The following CNGB1 variants were observed in gnomAD, a reference collection of about 807,000 sequenced individuals.
CNGB1 encodes cyclic nucleotide-gated channel beta-1.
A neutral mutation model predicts 151.7 loss-of-function variants in CNGB1; 126 were observed. The observed-to-expected ratio is 0.83, with a 90% CI of 0.72 to 0.96. The LOEUF (loss-of-function observed/expected upper bound fraction) is 0.96, where lower values mean the gene tolerates loss of function less well. Ranked by LOEUF, CNGB1 falls within the 40% of genes least tolerant of loss-of-function variation. The pLI is 0.00. For missense variants in CNGB1, 1,698 were observed against 1,627.0 expected (o/e 1.04, Z -0.75); for synonymous variants, 623 against 635.1 (o/e 0.98, Z 0.29).
intron 17 of CNGB1, among the ~76,000 whole-genome samples, chr16:57,926,483 C>T (rs892488245): frequency 3.3e-5 from 5 of 152,214 alleles, no homozygotes; most frequent in Non-Finnish European, 7.3e-5. Flanking sequence ...GTGTGACATC[C>T]ACCTTGATTC....
chr16:57,909,949 A>G (rs1276744207), intron 25 of CNGB1, among the ~76,000 whole-genome samples: 1 of 152,262 alleles, frequency 6.6e-6, no homozygotes, highest in African/African-American at 2.4e-5. Context: ...ATGGTTGTGA[A>G]TTACTGTGTT....
intron 31 of CNGB1, among the ~76,000 whole-genome samples, chr16:57,892,264 TGC>T (rs1457596372): frequency 6.6e-6 from 1 of 152,118 alleles, no homozygotes; most frequent in African/African-American, 2.4e-5. Context: ...ATCTTGGCGT[TGC>T]AAGTCCATTT....
intron 22 of CNGB1, 119 bp from the exon 23 acceptor site, chr16:57,915,454 G>A (rs1410190988): frequency 3.7e-6 from 3 of 817,200 alleles, no homozygotes; most frequent in Non-Finnish European, 4.1e-6. Context: ...TGCCCCAGTA[G>A]AGCTTAAAAC....
intron 12 of CNGB1, among the ~76,000 whole-genome samples, chr16:57,952,414 C>T (rs1961972781): frequency 6.6e-6 from 1 of 152,004 alleles, no homozygotes; most frequent in Admixed American, 6.6e-5. Context: ...TCCTTGCTTC[C>T]ACACTTCCTT....
intron 4 of CNGB1, chr16:57,963,811 G>C: frequency 2.4e-6 from 1 of 411,054 alleles, no homozygotes; most frequent in Non-Finnish European, 4.5e-6. Flanking sequence ...GGGGCTAACA[G>C]TCTAATGAAT....
In CNGB1 at chr16:57,962,858, G is replaced by A. The variant is rs377556935; in HGVS notation, c.396C>T (p.Gly132=). 6.2e-6 allele frequency: 10 copies of A among 1,612,572 alleles called. No individual in the cohort carries two copies. The highest frequency in any genetic ancestry group is 5.3e-5 in the African/African-American group (4 of 74,942). Residue 132 remains glycine, a synonymous_variant, in exon 6 of 33, where the codon GGC becomes GGT. Coordinates refer to ENST00000251102, the MANE Select transcript of CNGB1 (RefSeq NM_001297.5). Reference sequence around the variant, plus strand: ...TGTTCTTACCTGTGTCCCCAGTGCTGCCATGCCCCAGGATCTGCCAGGGAC... The same window carrying A: ...TGTTCTTACCTGTGTCCCCAGTGCTACCATGCCCCAGGATCTGCCAGGGAC... ...TEDPAQILGH[G]STGDTGCTDE... is the part of the protein sequence containing the mutation.
At chr16:57,887,232 A>G (rs1341251894) in intron 32 of CNGB1, among the ~76,000 whole-genome samples, 2 of 152,026 alleles carry the variant, frequency 1.3e-5, no homozygotes, top group Non-Finnish European at 2.9e-5. Context: ...ATGAGGACAC[A>G]CTGTCTTCTG....
intron 10 of CNGB1, 106 bp from the exon 11 acceptor site, chr16:57,958,591 A>G: frequency 1.0e-6 from 1 of 982,412 alleles, no homozygotes; most frequent in South Asian, 1.4e-5. Context: ...GCCAAAAGGC[A>G]GAGCCTGCCA....
At chr16:57,885,003 G>T (rs1162154817) in intron 32 of CNGB1, among the ~76,000 whole-genome samples, 1 of 152,210 alleles carries the variant, frequency 6.6e-6, no homozygotes. Flanking sequence ...CCCTGCTATT[G>T]GGCTGCGCTG....
At chr16:57,884,815 G>C (rs1959866079) in intron 32 of CNGB1, among the ~76,000 whole-genome samples, 1 of 152,078 alleles carries the variant, frequency 6.6e-6, no homozygotes, top group East Asian at 1.9e-4. Flanking sequence ...TACCCGCAAG[G>C]CCTCTGCAAA....
Position 57,940,330 on chromosome 16 carries a change from C to T in CNGB1, c.1122-9G>A, listed in dbSNP as rs750225817. On this transcript the variant is annotated splice_polypyrimidine_tract_variant and intron_variant, in intron 14 of 32. Transcript: ENST00000251102. ...AGCTATCCAGCAGCACCCTGTGACCCGGGGCGGGGTGGGGAGGATAAAAGG... is the reference window on the plus strand; with the variant it reads ...AGCTATCCAGCAGCACCCTGTGACCTGGGGCGGGGTGGGGAGGATAAAAGG... 35 of 1,570,546 alleles carry T rather than the reference C, an allele frequency of 2.2e-5. No individual in the cohort carries two copies. Among genetic ancestry groups the T allele is most frequent in the Middle Eastern group, 3.3e-4 (2 of 6,040 alleles).
intron 18 of CNGB1, among the ~76,000 whole-genome samples, chr16:57,922,819 T>C (rs2149367723): frequency 6.6e-6 from 1 of 152,112 alleles, no homozygotes; most frequent in East Asian, 1.9e-4. Context: ...CCAGGCCTAC[T>C]GTCTGCAGCT....
intron 32 of CNGB1, among the ~76,000 whole-genome samples, chr16:57,884,743 T>C (rs1429329083): frequency 6.6e-6 from 1 of 152,096 alleles, no homozygotes. Context: ...GAGGCTGTTG[T>C]TTCAAGTTCA....
At chr16:57,928,805 T>A (rs1470936558) in intron 17 of CNGB1, among the ~76,000 whole-genome samples, 1 of 152,144 alleles carries the variant, frequency 6.6e-6, no homozygotes, top group African/African-American at 2.4e-5. Flanking sequence ...GCCCAGCTAA[T>A]TTTTGTATTT....
chr16:57,948,489 C>T (rs1961864668), intron 14 of CNGB1, among the ~76,000 whole-genome samples: 1 of 152,006 alleles, frequency 6.6e-6, no homozygotes, highest in Non-Finnish European at 1.5e-5. Context: ...CTTCTGGGCC[C>T]CATACTCTTC....
chr16:57,951,594 T>C (rs1353308574), intron 12 of CNGB1, among the ~76,000 whole-genome samples: 1 of 152,212 alleles, frequency 6.6e-6, no homozygotes, highest in Non-Finnish European at 1.5e-5. Flanking sequence ...TTGTTCATGA[T>C]GTTGCATAAC....
chr16:57,907,533 T>C (rs1363963169), intron 25 of CNGB1, among the ~76,000 whole-genome samples: 3 of 152,174 alleles, frequency 2.0e-5, no homozygotes, highest in African/African-American at 4.8e-5. Context: ...ATGCTACACA[T>C]ATTAATTTAT....
chr16:57,909,614 C>A lies in CNGB1; in HGVS notation c.2492+2139G>T, dbSNP rs140970082. Reference sequence around the variant, plus strand: ...ATGTCGACTAGGCTGGTCTCAAACTCTTGGCCTCATGTGATCTGCCCACCT... The same window carrying A: ...ATGTCGACTAGGCTGGTCTCAAACTATTGGCCTCATGTGATCTGCCCACCT... On this transcript the variant is annotated intron_variant, in intron 25 of 32. Transcript: ENST00000251102. 2.5e-3 allele frequency among the ~76,000 whole-genome samples: 383 copies of A among 152,310 alleles called. 2 individuals are homozygous for A. The highest frequency in any genetic ancestry group is 8.7e-3 in the African/African-American group (362 of 41,568).
Position 57,940,276 on chromosome 16 carries a change from C to T in CNGB1, c.1167G>A (p.Gln389=), listed in dbSNP as rs1289505735. 6.3e-7 allele frequency: 1 copy of T among 1,582,042 alleles called. No homozygotes were observed. The highest frequency in any genetic ancestry group is 8.6e-7 in the Non-Finnish European group (1 of 1,164,344). ...GGGGCCGGGTCCCGTCTTCTTCACT[C>T]TGGCCCACGCCCACCTGCGACACCA... The part of the protein sequence containing the change: ...SCVVSQVGVG[Q]SEEDGTRPQS... Residue 389 remains glutamine, a synonymous_variant, in exon 15 of 33, where the codon CAG becomes CAA. Coordinates refer to ENST00000251102, the MANE Select transcript of CNGB1 (RefSeq NM_001297.5).
Sources: allele counts gnomAD v4.1 joint callset (sites outside exome capture counted in the v4.1 genomes callset), GRCh38; gene constraint gnomAD v4.1.1; transcripts MANE v1.5; gene names NCBI Gene and HGNC (gene_info 2026-07-23, HGNC 2026-07-21).